CT55: variants seen among roughly 807,000 people sequenced by gnomAD.
CT55 encodes the protein BRCA2-interacting protein.
CT55 carries 1 observed loss-of-function variant against 12.6 expected under a neutral mutation model. That is an observed-to-expected ratio of 0.08 (90% confidence interval 0.03 to 0.38). The LOEUF is 0.38. Among genes scored for constraint, CT55 ranks in the 10% least tolerant of loss-of-function variants. The pLI is 0.99. For missense variants in CT55, 109 were observed against 135.4 expected (o/e 0.80, Z 0.97); for synonymous variants, 43 against 49.7 (o/e 0.87, Z 0.57).
At chrX:135,168,655 A>T (rs1432481403) in intron 2 of CT55, among the ~76,000 whole-genome samples, 4 of 111,760 alleles carry the variant, frequency 3.6e-5, no homozygotes, top group African/African-American at 1.3e-4. Context: ...GATTGTGGTG[A>T]TGATTGCATA....
rs1556406492 is a variant in CT55 at position 135,169,684 on chromosome X, A to C, written c.189T>G (p.Val63=). The C allele has an allele frequency of 1.3e-5, 16 of 1,205,434 alleles. No individual in the cohort carries two copies. Among genetic ancestry groups the C allele is most frequent in the African/African-American group, 1.8e-5 (1 of 57,130 alleles). The part of the protein sequence containing the change: ...IDESIYFSSD[V]VTGNVPLKVG... ...CTTTTAGAGGCACGTTGCCAGTCAC[A>C]ACATCACTACTGAAGTAGATCGACT... is the stretch of plus-strand genomic sequence containing the variant. The change falls in exon 2 of 6, where the codon GTT becomes GTG. Residue 63 remains valine (V), a synonymous_variant. Transcript: ENST00000276241.
At chrX:135,169,437 G>C (rs1192212540) in intron 2 of CT55, among the ~76,000 whole-genome samples, 157 bp downstream of exon 2, 1 of 111,987 alleles carries the variant, frequency 8.9e-6, no homozygotes, top group Non-Finnish European at 1.9e-5. Context: ...TATTACAACA[G>C]AAGAAGCTAC....
intron 2 of CT55, 104 bp from the exon 3 acceptor site, chrX:135,160,659 C>G: frequency 1.1e-6 from 1 of 910,484 alleles, no homozygotes; most frequent in East Asian, 3.4e-5. Flanking sequence ...AACAGCCATC[C>G]TAAACACTGG....
chrX:135,168,770 T>C (rs1556406346), intron 2 of CT55, among the ~76,000 whole-genome samples: 1 of 111,549 alleles, frequency 9.0e-6, no homozygotes, highest in East Asian at 2.8e-4. Flanking sequence ...ATGAAAGACA[T>C]AAAGCAAAGG....
intron 3 of CT55, among the ~76,000 whole-genome samples, chrX:135,159,774 A>G (rs1435639456): frequency 4.5e-5 from 5 of 112,073 alleles, no homozygotes; most frequent in African/African-American, 1.6e-4. Context: ...AAGAAAACAA[A>G]CTAGCAAGCT....
intron 2 of CT55, 134 bp downstream of exon 2, chrX:135,169,460 G>C: frequency 2.5e-6 from 1 of 403,636 alleles, no homozygotes. Context: ...CTTCAGAGGA[G>C]GGGGGCTTCA....
At chrX:135,163,509 CAGA>C (rs1258733500) in intron 2 of CT55, among the ~76,000 whole-genome samples, 252 of 110,633 alleles carry the variant, frequency 2.3e-3, no homozygotes, top group African/African-American at 7.6e-3. Context: ...AATATACAGT[CAGA>C]GGAGACAAAA....
At chrX:135,166,250 T>C (rs186661955) in intron 2 of CT55, among the ~76,000 whole-genome samples, 10 of 110,738 alleles carry the variant, frequency 9.0e-5, no homozygotes, top group African/African-American at 3.3e-4. Context: ...ATTAAAAAAA[T>C]CATTCACCAT....
At chrX:135,166,722 C>T (rs1379322386) in intron 2 of CT55, among the ~76,000 whole-genome samples, 1 of 111,690 alleles carries the variant, frequency 9.0e-6, no homozygotes, top group Non-Finnish European at 1.9e-5. Flanking sequence ...CACCACCAAA[C>T]AGCTACTAGG....
chrX:135,170,988 C>A, intron 1 of CT55, 90 bp downstream of exon 1: 1 of 1,159,323 alleles, frequency 8.6e-7, no homozygotes, highest in South Asian at 2.1e-5. Flanking sequence ...CAGTACCCAC[C>A]CGAGTTACAA....
chrX:135,158,154 A>C, intron 4 of CT55, 45 bp downstream of exon 4: 3 of 784,743 alleles, frequency 3.8e-6, no homozygotes, highest in Non-Finnish European at 5.9e-6. Context: ...CACCAAAGGA[A>C]GAGTTAGCAG....
intron 2 of CT55, among the ~76,000 whole-genome samples, chrX:135,160,831 C>A (rs1467165971): frequency 9.0e-6 from 1 of 111,589 alleles, no homozygotes; most frequent in African/African-American, 3.3e-5. Context: ...TACCGTCCTT[C>A]GCCTGCAGAA....
chrX:135,162,138 A>T (rs1315591699), intron 2 of CT55, among the ~76,000 whole-genome samples: 2 of 112,977 alleles, frequency 1.8e-5, no homozygotes, highest in African/African-American at 6.4e-5. Context: ...GGATTATACA[A>T]TTAATGTTGA....
intron 2 of CT55, among the ~76,000 whole-genome samples, chrX:135,166,348 G>A (rs1391735183): frequency 1.8e-5 from 2 of 111,066 alleles, no homozygotes; most frequent in Non-Finnish European, 3.8e-5. Context: ...AAGAATGAAG[G>A]AAAAAAGCCA....
chrX:135,167,112 T>G lies in CT55; in HGVS notation c.279+2482A>C, dbSNP rs2083589236. Among the ~76,000 whole-genome samples the G allele has an allele frequency of 2.7e-5, 3 of 112,154 alleles. No individual in the cohort carries two copies. In the Admixed American group the frequency reaches 2.8e-4, roughly 11 times the overall value. ...AGAAGAAATACTCCTAAAATTTGTA[T>G]GGAACCATGAAAGATTCCAGACAGC... On this transcript the variant is annotated intron_variant, in intron 2 of 5. Coordinates refer to ENST00000276241, the MANE Select transcript of CT55 (RefSeq NM_001031705.3).
intron 4 of CT55, among the ~76,000 whole-genome samples, chrX:135,157,876 C>T (rs2083543603): frequency 3.5e-5 from 2 of 56,522 alleles, no homozygotes; most frequent in Admixed American, 2.3e-4. Flanking sequence ...CAACACACTC[C>T]GTTCATTCTT....
intron 2 of CT55, among the ~76,000 whole-genome samples, chrX:135,161,860 G>C (rs1208142937): frequency 8.9e-6 from 1 of 112,432 alleles, no homozygotes; most frequent in Non-Finnish European, 1.9e-5. Context: ...AAGGAATGAG[G>C]CATTAGCCTC....
chrX:135,163,753 A>G (rs1556405539), intron 2 of CT55, among the ~76,000 whole-genome samples: 1 of 111,919 alleles, frequency 8.9e-6, no homozygotes, highest in Non-Finnish European at 1.9e-5. Flanking sequence ...ACCCCATGAC[A>G]TATTAAAATC....
rs1256574024 is a variant in CT55 at position 135,171,178 on chromosome X, A to G, written c.-7T>C. 2 of 1,209,384 alleles carry G rather than the reference A, an allele frequency of 1.7e-6. No individual in the cohort carries two copies. The highest frequency in any genetic ancestry group is 2.2e-6 in the Non-Finnish European group (2 of 894,881). On this transcript the variant is annotated 5_prime_UTR_variant, in exon 1 of 6. Coordinates refer to ENST00000276241, the MANE Select transcript of CT55 (RefSeq NM_001031705.3). Reference sequence around the variant, plus strand: ...GTCTCAGAAGCCTGAGCATCGTCCCAGTTGTCACCACCGGCCTGGGCACCG... The same window carrying G: ...GTCTCAGAAGCCTGAGCATCGTCCCGGTTGTCACCACCGGCCTGGGCACCG...
Sources: gnomAD v4.1 joint callset for allele counts (sites outside exome capture counted in the v4.1 genomes callset) on GRCh38, gnomAD v4.1.1 for gene constraint, MANE v1.5 for transcripts, NCBI Gene and HGNC (gene_info 2026-07-23, HGNC 2026-07-21) for gene names.